Variants in EEIG1 observed in about 807,000 individuals in gnomAD.
EEIG1 encodes early estrogen-induced gene 1 protein.
the EEIG1 span, among the ~76,000 whole-genome samples, chr9:127,973,641 C>T: frequency 3.3e-5 from 5 of 152,294 alleles, no homozygotes; most frequent in Admixed American, 1.3e-4. This position sits in a 1 kb window ranked among gnomAD's most constrained non-coding sequence, Gnocchi z 4.2. Flanking sequence ...CAGGCTTCCC[C>T]GCAGCCACCA....
the EEIG1 span, chr9:127,942,012 T>G: frequency 6.6e-6 from 1 of 152,658 alleles, no homozygotes; most frequent in Non-Finnish European, 1.5e-5. Flanking sequence ...TGGGGGAAAG[T>G]GCTGAGAGCA....
chr9:127,954,271 GCCATTA>G, the EEIG1 span, among the ~76,000 whole-genome samples: 7 of 152,150 alleles, frequency 4.6e-5, no homozygotes, highest in African/African-American at 1.7e-4. Flanking sequence ...TCCCTGCACT[GCCATTA>G]CCTCCTCCAA....
At chr9:127,972,244 A>C in the EEIG1 span, among the ~76,000 whole-genome samples, 1 of 152,114 alleles carries the variant, frequency 6.6e-6, no homozygotes, top group Admixed American at 6.5e-5. This position sits in a 1 kb window ranked among gnomAD's most constrained non-coding sequence, Gnocchi z 4.3. Flanking sequence ...AAGGGACAAG[A>C]AAACACGCAG....
At chr9:127,976,472 G>C in the EEIG1 span, among the ~76,000 whole-genome samples, 1 of 152,212 alleles carries the variant, frequency 6.6e-6, no homozygotes, top group African/African-American at 2.4e-5. The surrounding 1 kb of genome is among the most constrained non-coding windows in gnomAD (Gnocchi z 4.1). Context: ...TTACCACCTG[G>C]GTGACCTCTG....
At chr9:127,960,644 ACCCAG>A in the EEIG1 span, among the ~76,000 whole-genome samples, 2 of 152,124 alleles carry the variant, frequency 1.3e-5, no homozygotes, top group Non-Finnish European at 2.9e-5. Context: ...ATGTTGAAAC[ACCCAG>A]TGGAATTGGG....
the EEIG1 span, among the ~76,000 whole-genome samples, chr9:127,957,965 A>T: frequency 6.6e-6 from 1 of 152,220 alleles, no homozygotes; most frequent in African/African-American, 2.4e-5. Context: ...GTGAGCCAAG[A>T]CGGCACTACT....
the EEIG1 span, among the ~76,000 whole-genome samples, chr9:127,956,876 G>A: frequency 1.3e-5 from 2 of 152,104 alleles, no homozygotes; most frequent in South Asian, 2.1e-4. Flanking sequence ...CACAACACCT[G>A]GCTAATTTTT....
At chr9:127,967,934 T>C in the EEIG1 span, among the ~76,000 whole-genome samples, 1 of 150,418 alleles carries the variant, frequency 6.6e-6, no homozygotes, top group South Asian at 2.1e-4. Context: ...TCCCCTACCT[T>C]CTTCTCCACC....
chr9:127,971,621 G>A, the EEIG1 span, among the ~76,000 whole-genome samples: 14 of 152,174 alleles, frequency 9.2e-5, no homozygotes, highest in Non-Finnish European at 1.5e-4. Flanking sequence ...TTCAGAGCCA[G>A]GGGAGAAAAG....
chr9:127,980,560 G>C, the EEIG1 span: 1 of 151,390 alleles, frequency 6.6e-6, no homozygotes, highest in East Asian at 1.9e-4. Context: ...CTGGCTGGCC[G>C]GTAAGGCTGA....
the EEIG1 span, chr9:127,950,382 TC>T: frequency 7.5e-6 from 12 of 1,600,270 alleles, no homozygotes; most frequent in Non-Finnish European, 1.0e-5. Context: ...TTTGTCCCCA[TC>T]CCGTGGTCAG....
chr9:127,980,191 G>A, the EEIG1 span: 1 of 1,555,090 alleles, frequency 6.4e-7, no homozygotes, highest in Admixed American at 1.8e-5. Context: ...GGAGAGGGAC[G>A]GGATTCCTTT....
chr9:127,962,898 C>T, the EEIG1 span, among the ~76,000 whole-genome samples: 76 of 152,226 alleles, frequency 5.0e-4, no homozygotes, highest in African/African-American at 1.3e-3. Context: ...ACCACGGACC[C>T]TCCTTACTGC....
chr9:127,954,809 GGT>G, the EEIG1 span, among the ~76,000 whole-genome samples: 1 of 152,230 alleles, frequency 6.6e-6, no homozygotes, highest in African/African-American at 2.4e-5. Flanking sequence ...AGAGGGCTCT[GGT>G]CTTCTAGCCC....
chr9:127,953,064 A>G, the EEIG1 span, among the ~76,000 whole-genome samples: 1 of 151,988 alleles, frequency 6.6e-6, no homozygotes, highest in Non-Finnish European at 1.5e-5. Flanking sequence ...TAGGAGGAGA[A>G]GGTTGCAGTG....
the EEIG1 span, among the ~76,000 whole-genome samples, chr9:127,980,874 C>T: frequency 1.3e-5 from 2 of 148,938 alleles, no homozygotes; most frequent in Admixed American, 1.3e-4. Flanking sequence ...CTGAGGCGCC[C>T]TTCGGCCCGG....
At chr9:127,955,333 A>C in the EEIG1 span, among the ~76,000 whole-genome samples, 1,006 of 152,148 alleles carry the variant, frequency 6.6e-3, 12 homozygotes, top group Non-Finnish European at 9.1e-3. Flanking sequence ...CTCCAAAAGA[A>C]GGCCACCCTA....
At chr9:127,950,581 G>T in the EEIG1 span, 1 of 1,601,342 alleles carries the variant, frequency 6.2e-7, no homozygotes, top group South Asian at 1.1e-5. Flanking sequence ...GAGGGAGTGT[G>T]GGCTCCTGGC....
the EEIG1 span, among the ~76,000 whole-genome samples, chr9:127,949,107 G>A: frequency 6.6e-6 from 1 of 152,044 alleles, no homozygotes; most frequent in South Asian, 2.1e-4. Flanking sequence ...CGAGGTCAGG[G>A]GCTCGAGACC....
Sources: allele counts gnomAD v4.1 joint callset (sites outside exome capture counted in the v4.1 genomes callset), GRCh38; gene constraint gnomAD v4.1.1; non-coding constraint Gnocchi (gnomAD v3.1); transcripts MANE v1.5; gene names NCBI Gene and HGNC (gene_info 2026-07-23, HGNC 2026-07-21).